Variants in DOCK3 observed in about 807,000 individuals in gnomAD.
DOCK3 encodes dedicator of cytokinesis 3.
In DOCK3, 60 loss-of-function variants were observed where a neutral mutation model predicts 265.6. The observed-to-expected ratio is 0.23, with a 90% CI of 0.18 to 0.28. The LOEUF (loss-of-function observed/expected upper bound fraction) is 0.28. Among genes scored for constraint, DOCK3 ranks in the 10% least tolerant of loss-of-function variants. The probability of loss-of-function intolerance (pLI) is 1.00; values close to 1 mark genes in which losing one functional copy is unlikely to be tolerated. For missense variants in DOCK3, 1,981 were observed against 2,594.3 expected (o/e 0.76, Z 5.14); for synonymous variants, 881 against 938.0 (o/e 0.94, Z 1.11).
chr3:51,092,183 G>C (rs974563079), intron 9 of DOCK3, among the ~76,000 whole-genome samples: 2 of 152,150 alleles, frequency 1.3e-5, no homozygotes, highest in Non-Finnish European at 2.9e-5. Context: ...TCTGGAAAGG[G>C]GTGCTGAAGC....
rs767676007 is a variant in DOCK3 at position 51,338,885 on chromosome 3, G to T, written c.3673-50G>T. On this transcript the variant is annotated intron_variant, in intron 36 of 52. Transcript: ENST00000266037. ...GCTATGGCCAGCTGCCCAGAGCTTG[G>T]CTATGGCTTCCACAGGTAGTTGACA... is the stretch of plus-strand genomic sequence containing the variant. 40 of 1,502,594 alleles carry T rather than the reference G, an allele frequency of 2.7e-5. No homozygotes were observed. The Middle Eastern group carries it at 6.8e-4, about 25-fold the overall frequency. 93.1% of individuals were successfully genotyped at this position (1,502,594 alleles called of 1,614,324 possible). A position where few individuals can be genotyped will look rare whatever the true frequency, so the allele number is the denominator to read the frequency against.
chr3:51,100,798 CT>C (rs60941495), intron 9 of DOCK3, among the ~76,000 whole-genome samples: 502 of 143,232 alleles, frequency 3.5e-3, no homozygotes, highest in Middle Eastern at 3.6e-3. Flanking sequence ...TTTAATTTAT[CT>C]TTTTTTTTTT....
At chr3:50,739,107 C>T (rs1163426834) in intron 1 of DOCK3, among the ~76,000 whole-genome samples, 1 of 152,058 alleles carries the variant, frequency 6.6e-6, no homozygotes, top group Non-Finnish European at 1.5e-5. Context: ...GATTTAAAAA[C>T]ATATTCTCTA....
chr3:51,093,978 A>C (rs1157114887), intron 9 of DOCK3, among the ~76,000 whole-genome samples: 1 of 152,160 alleles, frequency 6.6e-6, no homozygotes, highest in East Asian at 1.9e-4. Flanking sequence ...GTTTATTGAT[A>C]TGCATATGTT....
intron 3 of DOCK3, among the ~76,000 whole-genome samples, chr3:50,869,116 A>G (rs1396491275): frequency 6.7e-6 from 1 of 149,722 alleles, no homozygotes; most frequent in African/African-American, 2.5e-5. Context: ...CTGGGACTAC[A>G]GGCACCTGCC....
intron 10 of DOCK3, among the ~76,000 whole-genome samples, chr3:51,150,301 T>A (rs1215503692): frequency 2.0e-5 from 3 of 152,218 alleles, no homozygotes; most frequent in Non-Finnish European, 4.4e-5. Context: ...CTGGATTCAT[T>A]GATTTTTTGA....
intron 4 of DOCK3, among the ~76,000 whole-genome samples, chr3:50,914,758 A>G (rs72937269): frequency 0.021 from 3,140 of 152,240 alleles, 128 homozygotes; most frequent in African/African-American, 0.072. Context: ...TTTTCTGTCC[A>G]GATGATCTGT....
At chr3:50,712,214 A>G (rs965097105) in intron 1 of DOCK3, among the ~76,000 whole-genome samples, 1 of 151,980 alleles carries the variant, frequency 6.6e-6, no homozygotes, top group African/African-American at 2.4e-5. Flanking sequence ...TTAATTTTCT[A>G]TTCTTTTTTC....
At chr3:51,222,024 A>T (rs1451551342) in intron 14 of DOCK3, among the ~76,000 whole-genome samples, 1 of 152,172 alleles carries the variant, frequency 6.6e-6, no homozygotes, top group Non-Finnish European at 1.5e-5. Flanking sequence ...GTGATTTTTT[A>T]AAAAATATAT....
intron 27 of DOCK3, among the ~76,000 whole-genome samples, chr3:51,283,794 A>G (rs1415267498): frequency 6.6e-6 from 1 of 152,070 alleles, no homozygotes; most frequent in Non-Finnish European, 1.5e-5. Flanking sequence ...TCTGGGAACA[A>G]AGGGGACTGG....
At chr3:51,149,552 GC>G (rs749542471) in intron 10 of DOCK3, among the ~76,000 whole-genome samples, 2 of 152,116 alleles carry the variant, frequency 1.3e-5, no homozygotes, top group Non-Finnish European at 2.9e-5. Context: ...AGCATGAAGG[GC>G]TATTGAATTT....
chr3:50,776,921 A>T (rs2041634281), intron 1 of DOCK3, among the ~76,000 whole-genome samples: 4 of 152,214 alleles, frequency 2.6e-5, no homozygotes, highest in Admixed American at 2.6e-4. Flanking sequence ...TTACAGTTCC[A>T]TGTGACTGGG....
intron 2 of DOCK3, among the ~76,000 whole-genome samples, chr3:50,818,476 G>A (rs988302350): frequency 6.6e-6 from 1 of 152,198 alleles, no homozygotes; most frequent in South Asian, 2.1e-4. Context: ...TGCCTACCAC[G>A]TGTAAACCCT....
intron 5 of DOCK3, among the ~76,000 whole-genome samples, chr3:50,979,628 C>T (rs888153057): frequency 3.9e-5 from 6 of 152,176 alleles, no homozygotes; most frequent in African/African-American, 1.4e-4. Flanking sequence ...TGCCATGCTT[C>T]TTGTGCAGCC....
chr3:51,280,047 TG>T, intron 26 of DOCK3, 58 bp from the exon 27 acceptor site: 1 of 1,414,898 alleles, frequency 7.1e-7, no homozygotes, highest in Non-Finnish European at 9.9e-7. Context: ...CTCTATGGAT[TG>T]GGGGAACACA....
chr3:51,209,213 A>G (rs1054895797), intron 13 of DOCK3, among the ~76,000 whole-genome samples: 2 of 152,194 alleles, frequency 1.3e-5, no homozygotes, highest in African/African-American at 4.8e-5. Context: ...CTCTATCTCT[A>G]TATAGCTAGA....
At chr3:51,178,008 CA>C (rs59962649) in intron 12 of DOCK3, among the ~76,000 whole-genome samples, 3 of 138,132 alleles carry the variant, frequency 2.2e-5, no homozygotes, top group African/African-American at 5.5e-5. Flanking sequence ...AAAAAACAAA[CA>C]AAAAAAAACT....
intron 5 of DOCK3, among the ~76,000 whole-genome samples, chr3:51,021,187 T>C (rs2108877544): frequency 6.6e-6 from 1 of 151,882 alleles, no homozygotes; most frequent in South Asian, 2.1e-4. Context: ...CCTTCAATTT[T>C]CCAACCTAGC....
chr3:50,895,111 C>T (rs184866832), intron 4 of DOCK3, among the ~76,000 whole-genome samples: 1 of 149,930 alleles, frequency 6.7e-6, no homozygotes, highest in Admixed American at 6.7e-5. Flanking sequence ...AAGCCTCAAA[C>T]AAAAAACATC....
Sources: allele counts gnomAD v4.1 joint callset (sites outside exome capture counted in the v4.1 genomes callset), GRCh38; gene constraint gnomAD v4.1.1; transcripts MANE v1.5; gene names NCBI Gene and HGNC (gene_info 2026-07-23, HGNC 2026-07-21).